Variants in MTG2 observed in about 807,000 individuals in gnomAD.
MTG2 encodes mitochondrial ribosome associated GTPase 2.
MTG2 carries 23 observed loss-of-function variants against 28.6 expected under a neutral mutation model. The ratio of observed to expected loss-of-function variants is 0.80; its 90% confidence interval spans 0.58 to 1.14. The LOEUF is 1.14. Ranked by LOEUF, MTG2 falls within the 50% of genes most tolerant of loss-of-function variation. MTG2 has a pLI of 0.00. For synonymous variants in MTG2, 260 were observed against 251.8 expected (o/e 1.03, Z -0.31); for missense variants, 539 against 552.0 (o/e 0.98, Z 0.24).
At chr20:62,185,407 C>T (rs1488981377) in intron 1 of MTG2, among the ~76,000 whole-genome samples, 2 of 148,446 alleles carry the variant, frequency 1.3e-5, no homozygotes, top group African/African-American at 5.1e-5. Flanking sequence ...GCGAGACTGT[C>T]TCCAAAAAAA....
At chr20:62,190,750 G>C (rs527727979) in intron 1 of MTG2, among the ~76,000 whole-genome samples, 28 of 152,350 alleles carry the variant, frequency 1.8e-4, no homozygotes, top group African/African-American at 5.0e-4. Flanking sequence ...CGGTGCAGCG[G>C]CGGCGGCCGC....
At chr20:62,185,828 C>G (rs116436718) in intron 1 of MTG2, among the ~76,000 whole-genome samples, 1,778 of 152,230 alleles carry the variant, frequency 0.012, 38 homozygotes, top group African/African-American at 0.041. Flanking sequence ...CAAGGACAGC[C>G]TTGTTGGAAG....
At chr20:62,199,063 T>A in intron 5 of MTG2, 56 bp from the exon 6 acceptor site, 2 of 1,608,802 alleles carry the variant, frequency 1.2e-6, no homozygotes, top group Admixed American at 3.3e-5. Flanking sequence ...TTACAGACTC[T>A]GCGCTAACAA....
intron 1 of MTG2, among the ~76,000 whole-genome samples, chr20:62,191,305 G>T (rs543757083): frequency 6.4e-4 from 97 of 152,170 alleles, no homozygotes; most frequent in Non-Finnish European, 1.1e-3. Flanking sequence ...GCACTGCTGA[G>T]ACCGGGGCCC....
rs2184157 is a variant in MTG2 at position 62,202,099 on chromosome 20, G to C, written c.*1022G>C. On this transcript the variant is annotated 3_prime_UTR_variant, in exon 7 of 7. Coordinates refer to ENST00000370823, the MANE Select transcript of MTG2 (RefSeq NM_015666.4). ...AGCTGAGGGGGCCCTGCATTTGACC[G>C]TCGAGACTGCAGCAGCGCCTTTCCT... The C allele has an allele frequency of 0.58, 88,357 of 152,134 alleles. 26,272 individuals carry two copies. Among genetic ancestry groups the C allele is most frequent in the East Asian group, 0.88 (4,560 of 5,168 alleles). The allele number at this position is 152,134 out of a possible 1,614,324, so 9.4% of individuals were successfully genotyped here.
Position 62,199,176 on chromosome 20 carries a change from C to A in MTG2, c.745C>A (p.Pro249Thr). The change falls in exon 6 of 7, where the codon CCC (proline) becomes ACC (threonine). Residue 249 changes from proline (P) to threonine (T), a missense_variant. Transcript: ENST00000370823. ...SLLRAISNAR[P>T]AVASYPFTTL... is the part of the protein sequence containing the mutation. Reference sequence around the variant, plus strand: ...GCTCCGGGCCATTTCAAACGCCAGACCCGCCGTGGCTTCCTACCCGTTCAC... The same window carrying A: ...GCTCCGGGCCATTTCAAACGCCAGAACCGCCGTGGCTTCCTACCCGTTCAC... The A allele has an allele frequency of 6.2e-7, 1 of 1,614,208 alleles. No homozygotes were observed. Among genetic ancestry groups the A allele is most frequent in the Non-Finnish European group, 8.5e-7 (1 of 1,180,036 alleles).
rs1475340322 is a variant in MTG2, at chr20:62,197,887, T to A, written c.388T>A (p.Ser130Thr). 1 of 1,614,122 alleles carries A rather than the reference T, an allele frequency of 6.2e-7. No homozygotes were observed. The highest frequency in any genetic ancestry group is 1.3e-5 in the African/African-American group (1 of 74,956). ...QQVKSLSSVLSRYQGFSGEDG... is the reference protein window; with the variant it reads ...QQVKSLSSVLTRYQGFSGEDG... ...AGTCAAGTCCCTGTCGTCGGTCCTG[T>A]CGCGGTACCAGGGTTTCAGTGGAGA... Residue 130 changes from serine to threonine, a missense_variant, in exon 4 of 7, where the codon TCG becomes ACG. By Grantham distance (58) the Ser-to-Thr change is moderately conservative. Transcript: ENST00000370823.
rs1476453074 is a variant in MTG2 at position 62,201,177 on chromosome 20, G to A, written c.*100G>A. The A allele has an allele frequency of 1.4e-6, 2 of 1,381,602 alleles. No individual in the cohort carries two copies. Among genetic ancestry groups the A allele is most frequent in the African/African-American group, 2.9e-5 (2 of 69,112 alleles). 85.6% of individuals were successfully genotyped at this position (1,381,602 alleles called of 1,614,324 possible). A position where few individuals can be genotyped will look rare whatever the true frequency, so the allele number is the denominator to read the frequency against. On this transcript the variant is annotated 3_prime_UTR_variant, in exon 7 of 7. Coordinates refer to ENST00000370823, the MANE Select transcript of MTG2 (RefSeq NM_015666.4). ...TAAAGTGCCTTGTGGACACGGGGGA[G>A]TTGTGGTGCTTCTGGGTCTCTGGGC...
chr20:62,200,889 A>C lies in MTG2; in HGVS notation c.1033A>C (p.Asn345His), dbSNP rs954228584. The C allele has an allele frequency of 6.2e-7, 1 of 1,613,930 alleles. No individual in the cohort carries two copies. The highest frequency in any genetic ancestry group is 1.3e-5 in the African/African-American group (1 of 74,944). The change falls in exon 7 of 7, where the codon AAC (asparagine) becomes CAC (histidine). Residue 345 changes from asparagine (N) to histidine (H), a missense_variant. Asn to His is a moderately conservative substitution (Grantham distance 68, BLOSUM62 1). Coordinates refer to ENST00000370823, the MANE Select transcript of MTG2 (RefSeq NM_015666.4). ...TGCGAGGCCCCACGCAATCGTCGCA[A>C]ACAAGATTGACCTCCCTGAAGCCCA... The part of the protein sequence containing the change: ...LSARPHAIVA[N>H]KIDLPEAQAN...
chr20:62,190,330 T>C (rs2057932070), intron 1 of MTG2, among the ~76,000 whole-genome samples: 1 of 152,228 alleles, frequency 6.6e-6, no homozygotes, highest in Non-Finnish European at 1.5e-5. Flanking sequence ...AACTACGCAG[T>C]ATTTTTTTGT....
chr20:62,203,404 C>G lies in MTG2; in HGVS notation c.*2327C>G, dbSNP rs1011633804. 6.6e-6 allele frequency: 1 copy of G among 152,242 alleles called. No homozygotes were observed. The highest frequency in any genetic ancestry group is 1.5e-5 in the Non-Finnish European group (1 of 68,042). 9.4% of individuals were successfully genotyped at this position (152,242 alleles called of 1,614,324 possible). On this transcript the variant is annotated 3_prime_UTR_variant, in exon 7 of 7. Transcript: ENST00000370823. ...CACACACAGCTTTTGCCATCGCGTT[C>G]TAAAAGCTGACAGCTTTCTCTCCAA...
At chr20:62,200,553 A>T in intron 6 of MTG2, 130 bp from the exon 7 acceptor site, 1 of 1,102,102 alleles carries the variant, frequency 9.1e-7, no homozygotes, top group Non-Finnish European at 1.3e-6. Context: ...TTGAAAGGAA[A>T]GTGTTAGAAC....
rs1972 is a variant in MTG2, at chr20:62,200,876, C to T, written c.1020C>T (p.His340=). 63,057 of 1,614,004 alleles carry T rather than the reference C, an allele frequency of 0.039. 1,503 individuals carry two copies. Among genetic ancestry groups the T allele is most frequent in the Non-Finnish European group, 0.046 (54,062 of 1,180,032 alleles). The change falls in exon 7 of 7, where the codon CAC becomes CAT. Residue 340 remains histidine (H), a synonymous_variant. Transcript: ENST00000370823. ...MYEKGLSARP[H]AIVANKIDLP... is the part of the protein sequence containing the mutation. ...AAAAGGGCCTGTCTGCGAGGCCCCA[C>T]GCAATCGTCGCAAACAAGATTGACC...
chr20:62,183,049 C>T lies in MTG2; in HGVS notation c.-14C>T, dbSNP rs1049789457. 7 of 148,052 alleles carry T rather than the reference C, an allele frequency of 4.7e-5. No homozygotes were observed. Among genetic ancestry groups the T allele is most frequent in the Admixed American group, 2.0e-4 (3 of 15,048 alleles). The allele number at this position is 148,052 out of a possible 1,614,324, so 9.2% of individuals were successfully genotyped here. A position where few individuals can be genotyped will look rare whatever the true frequency, so the allele number is the denominator to read the frequency against. The stretch of plus-strand genomic sequence containing the variant: ...CGACGCTCCGGAAGTGACGTGCTTT[C>T]CCGAGCCGGTGAGTGCGGGAGCGGG... On this transcript the variant is annotated 5_prime_UTR_variant, in exon 1 of 7. Transcript: ENST00000370823.
intron 1 of MTG2, among the ~76,000 whole-genome samples, chr20:62,192,769 C>T (rs568684041): frequency 2.0e-5 from 3 of 152,248 alleles, no homozygotes; most frequent in South Asian, 2.1e-4. Context: ...AAATTACCAG[C>T]GTTCTGAGAG....
rs140539598 is a variant in MTG2 at position 62,201,027 on chromosome 20, G to T, written c.1171G>T (p.Ala391Ser). ...LLLHLKVLYD[A>S]YAEAELGQGR... ...GTTGCACCTGAAGGTGCTGTATGAC[G>T]CCTACGCGGAGGCCGAGCTGGGCCA... Residue 391 changes from alanine to serine, a missense_variant, in exon 7 of 7, where the codon GCC (alanine) becomes TCC (serine). Coordinates refer to ENST00000370823, the MANE Select transcript of MTG2 (RefSeq NM_015666.4). The T allele has an allele frequency of 6.2e-7, 1 of 1,610,640 alleles. No individual in the cohort carries two copies. The highest frequency in any genetic ancestry group is 8.5e-7 in the Non-Finnish European group (1 of 1,179,414).
At chr20:62,184,333 A>T (rs868679870) in intron 1 of MTG2, among the ~76,000 whole-genome samples, 1 of 152,022 alleles carries the variant, frequency 6.6e-6, no homozygotes, top group Non-Finnish European at 1.5e-5. Context: ...GCTCCAGCCT[A>T]GGCAACAGAG....
At chr20:62,184,519 G>C (rs930944233) in intron 1 of MTG2, among the ~76,000 whole-genome samples, 4 of 152,214 alleles carry the variant, frequency 2.6e-5, no homozygotes, top group Admixed American at 2.0e-4. Context: ...GACTCCAAAG[G>C]ATCAGGGAAG....
At position 62,198,954 on chromosome 20, in the gene MTG2, C is replaced by T. The variant is rs561314905; in HGVS notation, c.687+102C>T. On this transcript the variant is annotated intron_variant, in intron 5 of 6. Transcript: ENST00000370823. ...AGTGGCCTGGAAGAGAACAGCTTTG[C>T]GACTCACCTTTTTCCCATCAGTACA... 88 of 1,547,714 alleles carry T rather than the reference C, an allele frequency of 5.7e-5. 1 individual carries two copies. The highest frequency in any genetic ancestry group is 3.0e-4 in the East Asian group (13 of 43,696).
Sources: allele counts gnomAD v4.1 joint callset (sites outside exome capture counted in the v4.1 genomes callset), GRCh38; gene constraint gnomAD v4.1.1; transcripts MANE v1.5; gene names NCBI Gene and HGNC (gene_info 2026-07-23, HGNC 2026-07-21).